OTOF: variants seen among roughly 807,000 people sequenced by gnomAD.
OTOF encodes the protein otoferlin.
OTOF carries 218 observed loss-of-function variants against 236.8 expected under a neutral mutation model. That is an observed-to-expected ratio of 0.92 (90% CI 0.82 to 1.03). The LOEUF (loss-of-function observed/expected upper bound fraction) is 1.03, where lower values mean the gene tolerates loss of function less well. Among genes scored for constraint, OTOF ranks in the 50% least tolerant of loss-of-function variants. The pLI, the probability that OTOF is intolerant of heterozygous loss-of-function variation, is 0.00. For synonymous variants in OTOF, 1,041 were observed against 1,072.5 expected, an observed-to-expected ratio of 0.97 and a Z score of 0.57; for missense variants, 2,590 against 2,694.4, an observed-to-expected ratio of 0.96 and a Z score of 0.86.
chr2:26,484,444 A>G, intron 12 of OTOF, 30 bp downstream of exon 12: 11 of 1,612,870 alleles, frequency 6.8e-6, no homozygotes, highest in Non-Finnish European at 9.3e-6. Context: ...GCTGGCTCAG[A>G]CTCCAGGGGC....
intron 29 of OTOF, among the ~76,000 whole-genome samples, chr2:26,472,869 G>C (rs1665060839): frequency 6.6e-6 from 1 of 152,136 alleles, no homozygotes; most frequent in Admixed American, 6.5e-5. Flanking sequence ...GTGGCGGGGA[G>C]GCCTGGGTCT....
At chr2:26,510,318 G>A (rs1383084614) in intron 5 of OTOF, among the ~76,000 whole-genome samples, 1 of 151,968 alleles carries the variant, frequency 6.6e-6, no homozygotes, top group East Asian at 1.9e-4. Context: ...CCCCTGTTGG[G>A]AGAGGGATCC....
chr2:26,498,000 C>CTAT (rs1317448302), intron 8 of OTOF, among the ~76,000 whole-genome samples: 3 of 152,188 alleles, frequency 2.0e-5, no homozygotes, highest in African/African-American at 7.2e-5. Context: ...AAAAGGCTTT[C>CTAT]TATAACTCAG....
At chr2:26,479,443 G>A (rs1665460193) in intron 17 of OTOF, 30 bp downstream of exon 17, 15 of 1,604,924 alleles carry the variant, frequency 9.3e-6, no homozygotes, top group Non-Finnish European at 1.3e-5. Context: ...GGGAGGGCCA[G>A]GCCACAGGAG....
At chr2:26,498,528 C>A (rs767422409) in intron 8 of OTOF, among the ~76,000 whole-genome samples, 2 of 152,178 alleles carry the variant, frequency 1.3e-5, no homozygotes, top group Non-Finnish European at 2.9e-5. Context: ...TCCTTCTCTC[C>A]AATCATCAGC....
intron 2 of OTOF, among the ~76,000 whole-genome samples, chr2:26,531,159 T>C (rs1208858887): frequency 6.6e-6 from 1 of 152,170 alleles, no homozygotes; most frequent in Admixed American, 6.5e-5. Context: ...TGCTGACACC[T>C]TCCTTTGCTG....
At position 26,477,248 on chromosome 2, in the gene OTOF, A is replaced by T. The variant is rs1379274220; in HGVS notation, c.2447T>A (p.Val816Glu). 1.9e-6 allele frequency: 3 copies of T among 1,609,398 alleles called. No homozygotes were observed. Among genetic ancestry groups the T allele is most frequent in the Non-Finnish European group, 2.5e-6 (3 of 1,179,090 alleles). The change falls in exon 21 of 47, where the codon GTG becomes GAG. Residue 816 changes from valine to glutamate, a missense_variant. By Grantham distance (121) the Val-to-Glu change is moderately radical. This residue lies in a region of OTOF where 1,379 missense variants were observed against 1,341.6 expected (regional missense o/e 1.03). Transcript: ENST00000272371. The surrounding 1 kb of genome is among the most constrained non-coding windows in gnomAD (Gnocchi z 4.7). ...CTTGTCCCGCACCGTGTGCCGCTTCACCTGGGCCCGCAGCATCCTGGCCTG... is the reference window on the plus strand; with the variant it reads ...CTTGTCCCGCACCGTGTGCCGCTTCTCCTGGGCCCGCAGCATCCTGGCCTG... ...GQQARMLRAQ[V>E]KRHTVRDKLR...
chr2:26,467,047 G>C (rs545722538), intron 35 of OTOF, 52 bp downstream of exon 35: 91 of 1,607,252 alleles, frequency 5.7e-5, no homozygotes, highest in East Asian at 2.0e-4. Flanking sequence ...GAACCTGTGG[G>C]GGGGGCAAGG....
At chr2:26,545,085 T>C (rs1242267705) in intron 1 of OTOF, among the ~76,000 whole-genome samples, 1 of 151,664 alleles carries the variant, frequency 6.6e-6, no homozygotes, top group Admixed American at 6.6e-5. Context: ...CGCCAAATAG[T>C]TTTCTAAGGG....
chr2:26,502,506 GA>G, intron 6 of OTOF, 80 bp from the exon 7 acceptor site: 1 of 1,439,948 alleles, frequency 6.9e-7, no homozygotes, highest in Non-Finnish European at 9.5e-7. Context: ...CTGGCATCCA[GA>G]AAGCTGAGAG....
At chr2:26,489,573 C>T in intron 10 of OTOF, 105 bp downstream of exon 10, 1 of 967,400 alleles carries the variant, frequency 1.0e-6, no homozygotes, top group South Asian at 1.3e-5. Flanking sequence ...AGGCACGGCG[C>T]TGCCTCTTTA....
At chr2:26,485,899 G>A (rs1478856578) in intron 11 of OTOF, among the ~76,000 whole-genome samples, 2 of 152,254 alleles carry the variant, frequency 1.3e-5, no homozygotes, top group Non-Finnish European at 2.9e-5. Context: ...GGAGTCACTG[G>A]AGAACCTCAG....
chr2:26,518,886 C>T lies in OTOF; in HGVS notation c.327+124G>A, dbSNP rs1666602389. ...AGCAGAGTCTGACCTGAGTCTCCTC[C>T]TCCTGCGACACCTCGCCATGCATGA... is the stretch of plus-strand genomic sequence containing the variant. On this transcript the variant is annotated intron_variant, in intron 4 of 46. Transcript: ENST00000272371. 9.3e-6 allele frequency: 7 copies of T among 750,450 alleles called. No individual in the cohort carries two copies. In the South Asian group the frequency reaches 1.0e-4, roughly 11 times the overall value. The allele number at this position is 750,450 out of a possible 1,614,324, so 46.5% of individuals were successfully genotyped here. A position where few individuals can be genotyped will look rare whatever the true frequency, so the allele number is the denominator to read the frequency against.
chr2:26,461,613 G>T lies in OTOF; in HGVS notation c.5533+83C>A. 6.3e-7 allele frequency: 1 copy of T among 1,582,474 alleles called. No individual in the cohort carries two copies. The highest frequency in any genetic ancestry group is 1.1e-5 in the South Asian group (1 of 90,142). ...AATGACCCCTTGTCCCCCCAAGGCAGGGCTCTCCCTGTCCCCGCCAACCCG... is the reference window on the plus strand; with the variant it reads ...AATGACCCCTTGTCCCCCCAAGGCATGGCTCTCCCTGTCCCCGCCAACCCG... On this transcript the variant is annotated intron_variant, in intron 43 of 46. Transcript: ENST00000272371. This position sits in a 1 kb window ranked among gnomAD's most constrained non-coding sequence, Gnocchi z 6.2.
rs1253909086 is a variant in OTOF at position 26,477,623 on chromosome 2, C to A, written c.2315+26G>T. 1.3e-5 allele frequency: 21 copies of A among 1,611,616 alleles called. No individual in the cohort carries two copies. Among genetic ancestry groups the A allele is most frequent in the Non-Finnish European group, 1.7e-5 (20 of 1,179,598 alleles). On this transcript the variant is annotated intron_variant, in intron 19 of 46. Transcript: ENST00000272371. The surrounding 1 kb of genome is among the most constrained non-coding windows in gnomAD (Gnocchi z 4.7). ...TTGTCCAGTTCCGCCTCATCCTCCC[C>A]CCACCTGCCGCCCCTCCCTTCTCAC... is the stretch of plus-strand genomic sequence containing the variant.
intron 11 of OTOF, 57 bp downstream of exon 11, chr2:26,489,154 C>T (rs1167016571): frequency 1.6e-6 from 2 of 1,264,960 alleles, no homozygotes; most frequent in African/African-American, 1.8e-5. Context: ...GGGCCCCGTG[C>T]ACCACGCTCC....
chr2:26,481,014 G>GTTC lies in OTOF; in HGVS notation c.1580-6_1580-5insGAA. On this transcript the variant is annotated splice_polypyrimidine_tract_variant and splice_region_variant and intron_variant, in intron 14 of 46. Coordinates refer to ENST00000272371, the MANE Select transcript of OTOF (RefSeq NM_194248.3). ...GGCCCAGTGTGGGCAGGAAGCCTGT[G>GTTC]GCAGTGGGAACAAAAATGAGGGGGC... 2 of 1,610,488 alleles carry GTTC rather than the reference G, an allele frequency of 1.2e-6. No homozygotes were observed. Among genetic ancestry groups the GTTC allele is most frequent in the Non-Finnish European group, 1.7e-6 (2 of 1,177,870 alleles).
At chr2:26,536,152 G>A (rs537912451) in intron 2 of OTOF, among the ~76,000 whole-genome samples, 12 of 152,204 alleles carry the variant, frequency 7.9e-5, no homozygotes, top group South Asian at 2.1e-4. Flanking sequence ...GGAGCAGGCC[G>A]GGTGTGTAAT....
At chr2:26,539,220 C>T (rs2148124519) in intron 1 of OTOF, among the ~76,000 whole-genome samples, 1 of 152,056 alleles carries the variant, frequency 6.6e-6, no homozygotes, top group East Asian at 1.9e-4. Flanking sequence ...GGGATGGAAC[C>T]ACAAGAGAAG....
Sources: allele counts gnomAD v4.1 joint callset (sites outside exome capture counted in the v4.1 genomes callset), GRCh38; gene constraint gnomAD v4.1.1; regional missense constraint gnomAD v4.1.1; non-coding constraint Gnocchi (gnomAD v3.1); transcripts MANE v1.5; gene names NCBI Gene and HGNC (gene_info 2026-07-23, HGNC 2026-07-21).